FRMPD4: variants seen among roughly 807,000 people sequenced by gnomAD.
The protein encoded by FRMPD4 is FERM and PDZ domain containing 4.
A neutral mutation model predicts 94.1 loss-of-function variants in FRMPD4; 22 were observed. The ratio of observed to expected loss-of-function variants is 0.23; its 90% CI spans 0.17 to 0.33. The LOEUF (loss-of-function observed/expected upper bound fraction) is 0.33. Among genes scored for constraint, FRMPD4 ranks in the 10% least tolerant of loss-of-function variants. FRMPD4 has a pLI of 1.00. For synonymous variants in FRMPD4, 631 were observed against 548.6 expected (o/e 1.15, Z -2.10); for missense variants, 1,111 against 1,339.9 (o/e 0.83, Z 2.67).
chrX:12,366,786 G>C (rs2056088422), intron 1 of FRMPD4, among the ~76,000 whole-genome samples: 1 of 112,163 alleles, frequency 8.9e-6, no homozygotes, highest in Non-Finnish European at 1.9e-5. Flanking sequence ...GCATGGGGCT[G>C]TGGGGCATTG....
At chrX:12,242,139 G>C (rs1350366137) in intron 1 of FRMPD4, among the ~76,000 whole-genome samples, 1 of 111,619 alleles carries the variant, frequency 9.0e-6, no homozygotes, top group Non-Finnish European at 1.9e-5. Context: ...GGCTAAATGT[G>C]ACTATATCTA....
chrX:11,960,616 A>T (rs945321691), intron 3 of FRMPD4, among the ~76,000 whole-genome samples: 3 of 111,822 alleles, frequency 2.7e-5, no homozygotes, highest in African/African-American at 9.8e-5. Context: ...CTCCTTATGG[A>T]TTTATTTTGT....
chrX:12,593,744 CT>C lies in FRMPD4; in HGVS notation c.159-15968del, dbSNP rs1259607854. Among the ~76,000 whole-genome samples the C allele has an allele frequency of 4.5e-5, 5 of 110,005 alleles. No homozygotes were observed. In the South Asian group the frequency reaches 1.6e-3, roughly 34 times the overall value. On this transcript the variant is annotated intron_variant, in intron 2 of 16. Coordinates refer to ENST00000675598, the MANE Select transcript of FRMPD4 (RefSeq NM_001368397.1). ...AGAATATTCCCTCGGTCTCATGTTT[CT>C]TTTTTTTTCCAGTGAAGTGCTGCAG... is the stretch of plus-strand genomic sequence containing the variant.
At chrX:11,895,030 T>A (rs1158458893) in intron 3 of FRMPD4, among the ~76,000 whole-genome samples, 4 of 112,321 alleles carry the variant, frequency 3.6e-5, no homozygotes, top group Non-Finnish European at 5.6e-5. Flanking sequence ...TCTTAGAGCC[T>A]CTTCCCAGAA....
At chrX:12,224,783 C>T (rs750590882) in intron 1 of FRMPD4, among the ~76,000 whole-genome samples, 4 of 111,449 alleles carry the variant, frequency 3.6e-5, no homozygotes, top group Non-Finnish European at 7.5e-5. Flanking sequence ...CCTGTTGGTA[C>T]AGTTTTTATT....
At position 12,569,502 on chromosome X, in the gene FRMPD4, TAGG is replaced by T. The variant is rs749589165; in HGVS notation, c.159-40216_159-40214del. 4.5e-3 allele frequency among the ~76,000 whole-genome samples: 503 copies of T among 111,451 alleles called. 5 individuals carry two copies. The highest frequency in any genetic ancestry group is 0.016 in the African/African-American group (481 of 30,732). ...GAATTATTTTATTCACCTATATCAA[TAGG>T]AGATCAATATTTTTTACCCACTATT... On this transcript the variant is annotated intron_variant, in intron 2 of 16. Coordinates refer to ENST00000675598, the MANE Select transcript of FRMPD4 (RefSeq NM_001368397.1).
chrX:12,133,209 A>ATTTATTTTAT (rs60859880), intron 3 of FRMPD4, among the ~76,000 whole-genome samples: 5,335 of 98,114 alleles, frequency 0.054, 454 homozygotes, highest in African/African-American at 0.2. Flanking sequence ...GTTTCTAAAA[A>ATTTATTTTAT]TTTATTTTAT....
chrX:12,303,869 G>A (rs1316338663), intron 1 of FRMPD4, among the ~76,000 whole-genome samples: 1 of 112,025 alleles, frequency 8.9e-6, no homozygotes, highest in Non-Finnish European at 1.9e-5. Flanking sequence ...TCAAGTCAAA[G>A]TAAAACTTTA....
intron 3 of FRMPD4, among the ~76,000 whole-genome samples, chrX:12,110,463 A>G (rs1011230371): frequency 2.7e-5 from 3 of 112,063 alleles, no homozygotes; most frequent in African/African-American, 9.7e-5. Context: ...AGTCAATATC[A>G]TACTGAATGG....
chrX:12,708,467 T>G (rs1203626900), intron 13 of FRMPD4, among the ~76,000 whole-genome samples: 1 of 57,498 alleles, frequency 1.7e-5, no homozygotes, highest in Non-Finnish European at 3.0e-5. Flanking sequence ...AGACTCCATC[T>G]CAAAAAAAAA....
intron 1 of FRMPD4, among the ~76,000 whole-genome samples, chrX:12,276,397 A>G (rs1487332502): frequency 1.8e-5 from 2 of 112,324 alleles, no homozygotes; most frequent in Non-Finnish European, 3.8e-5. Flanking sequence ...TGTAAGATGT[A>G]CATTGGTTCA....
intron 3 of FRMPD4, among the ~76,000 whole-genome samples, chrX:11,903,073 G>A (rs1305694254): frequency 8.9e-6 from 1 of 112,344 alleles, no homozygotes; most frequent in Non-Finnish European, 1.9e-5. Flanking sequence ...GCAGAATGAA[G>A]TGGCATTGAA....
chrX:12,474,932 A>G (rs941067297), intron 1 of FRMPD4, among the ~76,000 whole-genome samples: 17 of 111,968 alleles, frequency 1.5e-4, no homozygotes, highest in Admixed American at 1.2e-3. Flanking sequence ...AATCAATAGA[A>G]AAAGAGGGAA....
intron 1 of FRMPD4, among the ~76,000 whole-genome samples, chrX:12,415,978 A>G (rs2056794898): frequency 8.9e-6 from 1 of 112,528 alleles, no homozygotes; most frequent in Non-Finnish European, 1.9e-5. Context: ...ACCTTTGGGC[A>G]GCACATAAGA....
intron 1 of FRMPD4, among the ~76,000 whole-genome samples, chrX:12,166,245 G>A (rs1265861801): frequency 8.9e-6 from 1 of 112,112 alleles, no homozygotes; most frequent in African/African-American, 3.2e-5. Context: ...AATTTATTGA[G>A]AGTTTTTAGC....
chrX:12,651,229 T>C (rs1429522219), intron 4 of FRMPD4, among the ~76,000 whole-genome samples: 3 of 112,145 alleles, frequency 2.7e-5, no homozygotes, highest in Non-Finnish European at 5.6e-5. Flanking sequence ...AGAAGTTTAT[T>C]GAAGCAAATG....
chrX:12,340,664 A>T (rs1312522163), intron 1 of FRMPD4, among the ~76,000 whole-genome samples: 3 of 85,441 alleles, frequency 3.5e-5, no homozygotes, highest in Admixed American at 2.2e-4. Context: ...TTTTAAAGAT[A>T]AAAAAAATTT....
At chrX:12,589,337 A>G (rs1001268418) in intron 2 of FRMPD4, among the ~76,000 whole-genome samples, 14 of 111,787 alleles carry the variant, frequency 1.3e-4, no homozygotes, top group Admixed American at 2.9e-4. Context: ...TGTTCATTCA[A>G]TCACTTACTA....
chrX:12,388,179 A>G (rs2056423270), intron 1 of FRMPD4, among the ~76,000 whole-genome samples: 1 of 111,522 alleles, frequency 9.0e-6, no homozygotes, highest in Non-Finnish European at 1.9e-5. Flanking sequence ...GTTAGTTACA[A>G]GGGTCTATAC....
Sources: allele counts gnomAD v4.1 joint callset (sites outside exome capture counted in the v4.1 genomes callset), GRCh38; gene constraint gnomAD v4.1.1; transcripts MANE v1.5; gene names NCBI Gene and HGNC (gene_info 2026-07-23, HGNC 2026-07-21).